The following PWWP3B variants were observed in gnomAD, a reference collection of about 807,000 sequenced individuals.
The protein encoded by PWWP3B is PWWP domain-containing DNA repair factor 3B.
PWWP3B carries 5 observed loss-of-function variants against 15.7 expected under a neutral mutation model. The observed-to-expected ratio is 0.32, with a 90% CI of 0.17 to 0.67. PWWP3B has a LOEUF of 0.67. Among genes scored for constraint, PWWP3B ranks in the 30% least tolerant of loss-of-function variants. PWWP3B has a pLI of 0.74. For missense variants in PWWP3B, 519 were observed against 493.1 expected, an observed-to-expected ratio of 1.05 and a Z score of -0.50; for synonymous variants, 203 against 179.8, an observed-to-expected ratio of 1.13 and a Z score of -1.03.
chrX:106,190,557 C>T (rs1285317654), intron 2 of PWWP3B, among the ~76,000 whole-genome samples: 1 of 111,477 alleles, frequency 9.0e-6, no homozygotes, highest in African/African-American at 3.3e-5. Flanking sequence ...AATTAGATCC[C>T]ATTTGTCAAT....
At chrX:106,193,582 A>G (rs1602855536) in intron 2 of PWWP3B, among the ~76,000 whole-genome samples, 1 of 111,689 alleles carries the variant, frequency 9.0e-6, no homozygotes, top group South Asian at 3.7e-4. Flanking sequence ...TCCTGTCATT[A>G]TGATGTTAGC....
intron 2 of PWWP3B, among the ~76,000 whole-genome samples, chrX:106,181,339 G>A (rs768413509): frequency 2.7e-5 from 3 of 111,581 alleles, no homozygotes; most frequent in East Asian, 5.7e-4. Flanking sequence ...CGCCCACGTC[G>A]TGCTGATTGG....
intron 2 of PWWP3B, among the ~76,000 whole-genome samples, chrX:106,191,286 T>G (rs1922940165): frequency 9.0e-6 from 1 of 110,733 alleles, no homozygotes; most frequent in South Asian, 3.8e-4. Context: ...GATTCCTAGG[T>G]ATTTTATTCT....
intron 2 of PWWP3B, among the ~76,000 whole-genome samples, chrX:106,175,635 G>T (rs2147585536): frequency 9.0e-6 from 1 of 111,170 alleles, no homozygotes; most frequent in Admixed American, 9.6e-5. Context: ...GCCCAGGAGG[G>T]AGTGAATAGT....
intron 2 of PWWP3B, among the ~76,000 whole-genome samples, chrX:106,174,405 C>T (rs1400940656): frequency 2.7e-5 from 3 of 111,500 alleles, no homozygotes; most frequent in African/African-American, 9.8e-5. Context: ...CTAATGCTTC[C>T]TGGGAAACAA....
intron 2 of PWWP3B, among the ~76,000 whole-genome samples, chrX:106,183,829 G>C (rs1167938398): frequency 8.9e-6 from 1 of 112,252 alleles, no homozygotes; most frequent in African/African-American, 3.2e-5. Flanking sequence ...ATGAGCTGGC[G>C]CTTGTCCTGG....
chrX:106,204,635 G>A lies in PWWP3B; in HGVS notation c.-215+465G>A, dbSNP rs758174507. On this transcript the variant is annotated intron_variant, in intron 3 of 3. Coordinates refer to ENST00000357175, the MANE Select transcript of PWWP3B (RefSeq NM_001171020.2). ...CTATTGTCTTTGTCTGCCTGCTCCA[G>A]GTGAACAGTGGAGCACTTGCAGCTT... Among the ~76,000 whole-genome samples the A allele has an allele frequency of 3.6e-5, 4 of 112,211 alleles. No homozygotes were observed. In the East Asian group the frequency reaches 1.1e-3, roughly 32 times the overall value.
chrX:106,204,800 C>A (rs905583778), intron 3 of PWWP3B, among the ~76,000 whole-genome samples: 1 of 111,853 alleles, frequency 8.9e-6, no homozygotes, highest in Non-Finnish European at 1.9e-5. Flanking sequence ...ATAAAACTCT[C>A]ATGATGGGGC....
At chrX:106,201,560 A>G (rs941815647) in intron 2 of PWWP3B, among the ~76,000 whole-genome samples, 3 of 112,711 alleles carry the variant, frequency 2.7e-5, no homozygotes, top group African/African-American at 9.7e-5. Flanking sequence ...ATTTCACTTA[A>G]AAGTTTTTTA....
intron 2 of PWWP3B, 37 bp downstream of exon 2, chrX:106,171,176 C>T (rs1032523929): frequency 9.0e-6 from 1 of 111,410 alleles, no homozygotes; most frequent in African/African-American, 3.3e-5. Context: ...AAACATTTCA[C>T]GGTATAAACA....
chrX:106,185,225 G>T (rs759411687), intron 2 of PWWP3B, among the ~76,000 whole-genome samples: 1 of 111,559 alleles, frequency 9.0e-6, no homozygotes, highest in Non-Finnish European at 1.9e-5. Flanking sequence ...CTACTTCTTT[G>T]TCAGGGTTTG....
chrX:106,202,810 A>T (rs950988484), intron 2 of PWWP3B, among the ~76,000 whole-genome samples: 16 of 112,471 alleles, frequency 1.4e-4, no homozygotes, highest in African/African-American at 5.2e-4. Context: ...AACATACTAT[A>T]TGTTCTCACT....
chrX:106,168,747 AGTT>A (rs757559469), intron 1 of PWWP3B, among the ~76,000 whole-genome samples: 8 of 112,149 alleles, frequency 7.1e-5, no homozygotes, highest in African/African-American at 2.6e-4. Context: ...TGAAAAATTA[AGTT>A]GTTGGGGATG....
chrX:106,200,435 A>G (rs993927538), intron 2 of PWWP3B, among the ~76,000 whole-genome samples: 1 of 111,226 alleles, frequency 9.0e-6, no homozygotes, highest in Non-Finnish European at 1.9e-5. Flanking sequence ...GATGGCTTTC[A>G]TTGATTTATT....
At chrX:106,170,638 A>T (rs542465523) in intron 1 of PWWP3B, among the ~76,000 whole-genome samples, 1 of 111,803 alleles carries the variant, frequency 8.9e-6, no homozygotes, top group African/African-American at 3.2e-5. Context: ...TGTGATTGAA[A>T]TTCCATTCAA....
intron 2 of PWWP3B, among the ~76,000 whole-genome samples, chrX:106,194,374 C>G (rs1459684189): frequency 1.8e-5 from 2 of 111,999 alleles, no homozygotes; most frequent in East Asian, 5.6e-4. Context: ...GCTCTCGTGC[C>G]TTGGTTTTCC....
chrX:106,189,706 C>A (rs1464467584), intron 2 of PWWP3B, among the ~76,000 whole-genome samples: 44 of 106,655 alleles, frequency 4.1e-4, no homozygotes, highest in African/African-American at 1.5e-3. Context: ...CAAGCTCTGC[C>A]TCCCGGGTTC....
At chrX:106,173,258 G>A (rs1406669216) in intron 2 of PWWP3B, among the ~76,000 whole-genome samples, 1 of 111,260 alleles carries the variant, frequency 9.0e-6, no homozygotes, top group East Asian at 2.8e-4. Context: ...GTTGCAAAAG[G>A]CCAAATTATC....
intron 2 of PWWP3B, among the ~76,000 whole-genome samples, chrX:106,197,351 T>C (rs1384778830): frequency 9.0e-6 from 1 of 111,580 alleles, no homozygotes; most frequent in Non-Finnish European, 1.9e-5. Flanking sequence ...TATCTCTCCC[T>C]CCCAGGCAAG....
Sources: allele counts gnomAD v4.1 joint callset (sites outside exome capture counted in the v4.1 genomes callset), GRCh38; gene constraint gnomAD v4.1.1; transcripts MANE v1.5; gene names NCBI Gene and HGNC (gene_info 2026-07-23, HGNC 2026-07-21).